ORC4: variants seen among roughly 807,000 people sequenced by gnomAD.
The protein encoded by ORC4 is origin recognition complex, subunit 4 homolog.
A neutral mutation model predicts 63.9 loss-of-function variants in ORC4; 55 were observed. The ratio of observed to expected loss-of-function variants is 0.86; its 90% confidence interval spans 0.69 to 1.08. The LOEUF (loss-of-function observed/expected upper bound fraction) is 1.08. Among genes scored for constraint, ORC4 ranks in the 50% least tolerant of loss-of-function variants. The pLI, the probability that ORC4 is intolerant of heterozygous loss-of-function variation, is 0.00. For synonymous variants in ORC4, 150 were observed against 168.5 expected (o/e 0.89, Z 0.85); for missense variants, 511 against 504.4 (o/e 1.01, Z -0.13).
At chr2:148,016,746 T>C (rs1015845965) in intron 1 of ORC4, among the ~76,000 whole-genome samples, 7 of 152,224 alleles carry the variant, frequency 4.6e-5, no homozygotes, top group African/African-American at 7.2e-5. Context: ...TTGATTGTAA[T>C]GACCTATTTT....
intron 1 of ORC4, among the ~76,000 whole-genome samples, chr2:147,994,916 T>G (rs895240855): frequency 2.6e-5 from 4 of 152,156 alleles, no homozygotes; most frequent in African/African-American, 9.7e-5. Flanking sequence ...TCCCAGCTAC[T>G]TGGTGACAGG....
intron 4 of ORC4, among the ~76,000 whole-genome samples, chr2:147,966,695 G>A (rs1160287710): frequency 6.6e-6 from 1 of 152,040 alleles, no homozygotes; most frequent in Non-Finnish European, 1.5e-5. Flanking sequence ...CAAATAATGA[G>A]GTAGAATCAG....
At chr2:148,018,486 G>T (rs1394234841) in intron 1 of ORC4, among the ~76,000 whole-genome samples, 1 of 152,158 alleles carries the variant, frequency 6.6e-6, no homozygotes, top group Non-Finnish European at 1.5e-5. Context: ...TAATAGCATT[G>T]TTCATAACTA....
At chr2:148,004,006 G>T (rs983463908) in intron 1 of ORC4, among the ~76,000 whole-genome samples, 4 of 151,956 alleles carry the variant, frequency 2.6e-5, no homozygotes, top group Non-Finnish European at 5.9e-5. Flanking sequence ...ACTCCCATTC[G>T]CAATTCCTAC....
At chr2:147,948,027 T>C (rs761913119) in intron 9 of ORC4, 24 bp downstream of exon 9, 3 of 1,588,476 alleles carry the variant, frequency 1.9e-6, no homozygotes. Flanking sequence ...AAGGAACATT[T>C]AGCTTTATTG....
In ORC4 at chr2:147,941,310, T is replaced by C. The variant is rs78634142; in HGVS notation, c.850-2062A>G. Among the ~76,000 whole-genome samples, 1,499 of 152,186 alleles carry C rather than the reference T, an allele frequency of 9.8e-3. 27 individuals carry two copies. Among genetic ancestry groups the C allele is most frequent in the African/African-American group, 0.034 (1,421 of 41,532 alleles). On this transcript the variant is annotated intron_variant, in intron 10 of 13. Coordinates refer to ENST00000392857, the MANE Select transcript of ORC4 (RefSeq NM_181741.4). The stretch of plus-strand genomic sequence containing the variant: ...AGACTGCAATAAACAACCTTGGACA[T>C]GTCTTCCTGTGCATTAGGTAACTAG...
intron 8 of ORC4, among the ~76,000 whole-genome samples, chr2:147,949,451 C>T (rs1425000652): frequency 2.0e-5 from 3 of 151,984 alleles, no homozygotes; most frequent in Non-Finnish European, 4.4e-5. Flanking sequence ...TTGGGGTGAT[C>T]ACTAAAAGGT....
chr2:147,972,915 A>G (rs1690304510), intron 3 of ORC4, 86 bp from the exon 4 acceptor site: 2 of 859,692 alleles, frequency 2.3e-6, no homozygotes, highest in Non-Finnish European at 3.9e-6. Flanking sequence ...ATATTTGAAT[A>G]TGCACAGAAA....
intron 1 of ORC4, 62 bp downstream of exon 1, chr2:148,020,570 CT>C (rs1394803209): frequency 1.3e-5 from 2 of 152,682 alleles, no homozygotes; most frequent in Admixed American, 6.5e-5. Flanking sequence ...ACCGACGCCC[CT>C]GGCCTTCGTT....
intron 1 of ORC4, among the ~76,000 whole-genome samples, chr2:147,990,945 C>T (rs912957700): frequency 3.9e-5 from 6 of 152,084 alleles, no homozygotes; most frequent in Admixed American, 2.6e-4. Context: ...CAGTAATCTT[C>T]ACTAGTACAT....
chr2:147,977,094 T>G (rs1318510229), intron 1 of ORC4, among the ~76,000 whole-genome samples: 1 of 152,214 alleles, frequency 6.6e-6, no homozygotes, highest in Non-Finnish European at 1.5e-5. Flanking sequence ...CATTTAATCC[T>G]CAAAACTATC....
intron 4 of ORC4, among the ~76,000 whole-genome samples, chr2:147,968,719 A>C (rs192554389): frequency 6.6e-6 from 1 of 152,172 alleles, no homozygotes; most frequent in African/African-American, 2.4e-5. Context: ...AAAACAGTAC[A>C]AAGGTTCCCC....
At chr2:147,942,212 T>C (rs1688401782) in intron 10 of ORC4, among the ~76,000 whole-genome samples, 1 of 152,170 alleles carries the variant, frequency 6.6e-6, no homozygotes, top group Non-Finnish European at 1.5e-5. Context: ...ATTATTATTC[T>C]ATTATTATTA....
chr2:148,011,080 C>T (rs555055877), intron 1 of ORC4, among the ~76,000 whole-genome samples: 5 of 152,168 alleles, frequency 3.3e-5, no homozygotes, highest in African/African-American at 1.2e-4. Flanking sequence ...CTGCCTGCCT[C>T]AGCCTCCCAA....
chr2:147,968,249 A>G lies in ORC4; in HGVS notation c.225+4490T>C, dbSNP rs1212958118. 2.6e-5 allele frequency among the ~76,000 whole-genome samples: 4 copies of G among 152,090 alleles called. No individual in the cohort carries two copies. The East Asian group carries it at 7.7e-4, about 29-fold the overall frequency. ...ACTAGTCTAGGAAAATATCTTATGA[A>G]TAAAAACTGCAAATCACAGACAACA... On this transcript the variant is annotated intron_variant, in intron 4 of 13. Coordinates refer to ENST00000392857, the MANE Select transcript of ORC4 (RefSeq NM_181741.4).
chr2:147,983,751 C>T (rs1691025202), intron 1 of ORC4, among the ~76,000 whole-genome samples: 2 of 152,166 alleles, frequency 1.3e-5, no homozygotes, highest in Admixed American at 1.3e-4. Context: ...CATGACTTCA[C>T]AGGATTTACT....
intron 1 of ORC4, among the ~76,000 whole-genome samples, chr2:148,004,066 C>T (rs980491243): frequency 9.9e-5 from 15 of 152,100 alleles, no homozygotes; most frequent in African/African-American, 2.7e-4. Flanking sequence ...TGTGAAGGAC[C>T]GCTTCAAGGA....
At chr2:147,975,642 G>A (rs1415513062) in intron 2 of ORC4, among the ~76,000 whole-genome samples, 1 of 151,896 alleles carries the variant, frequency 6.6e-6, no homozygotes, top group Non-Finnish European at 1.5e-5. Flanking sequence ...CTGACAAAAA[G>A]GGCAGAGAAC....
At chr2:147,940,608 A>T (rs922651132) in intron 10 of ORC4, among the ~76,000 whole-genome samples, 2 of 151,828 alleles carry the variant, frequency 1.3e-5, no homozygotes, top group African/African-American at 4.9e-5. Context: ...AAACTGTGGT[A>T]TATATATACT....
Sources: gnomAD v4.1 joint callset for allele counts (sites outside exome capture counted in the v4.1 genomes callset) on GRCh38, gnomAD v4.1.1 for gene constraint, MANE v1.5 for transcripts, NCBI Gene and HGNC (gene_info 2026-07-23, HGNC 2026-07-21) for gene names.